Variants in ADAMTS20 observed in about 807,000 individuals in gnomAD.
ADAMTS20 encodes the protein A disintegrin and metalloproteinase with thrombospondin motifs 20.
In ADAMTS20, 225 loss-of-function variants were observed where a neutral mutation model predicts 260.1. The ratio of observed to expected loss-of-function variants is 0.87; its 90% confidence interval spans 0.78 to 0.97. ADAMTS20 has a LOEUF of 0.97. Ranked by LOEUF, ADAMTS20 falls within the 50% of genes least tolerant of loss-of-function variation. ADAMTS20 has a pLI of 0.00. For missense variants in ADAMTS20, 2,400 were observed against 2,337.7 expected (o/e 1.03, Z -0.55); for synonymous variants, 802 against 769.5 (o/e 1.04, Z -0.70).
intron 31 of ADAMTS20, among the ~76,000 whole-genome samples, chr12:43,380,026 G>C (rs893824009): frequency 6.7e-6 from 1 of 150,140 alleles, no homozygotes; most frequent in East Asian, 1.9e-4. Flanking sequence ...TAAGAATATA[G>C]ATGTAAAGTT....
intron 28 of ADAMTS20, among the ~76,000 whole-genome samples, chr12:43,399,768 T>C (rs985716486): frequency 3.3e-5 from 5 of 152,150 alleles, no homozygotes; most frequent in African/African-American, 1.2e-4. Context: ...GTCTGGAAGA[T>C]GTCTTTCTCT....
intron 3 of ADAMTS20, 69 bp from the exon 4 acceptor site, chr12:43,502,474 A>G (rs1942783249): frequency 4.2e-6 from 6 of 1,428,838 alleles, no homozygotes; most frequent in African/African-American, 1.4e-5. Context: ...CGCAAAAAAT[A>G]GAACAGCCAA....
At position 43,551,108 on chromosome 12, in the gene ADAMTS20, T is replaced by A. The variant is rs1943508290; in HGVS notation, c.254A>T (p.Tyr85Phe). The A allele has an allele frequency of 6.2e-7, 1 of 1,613,862 alleles. No homozygotes were observed. Among genetic ancestry groups the A allele is most frequent in the South Asian group, 1.1e-5 (1 of 91,074 alleles). The change falls in exon 2 of 39, where the codon TAC (tyrosine) becomes TTC (phenylalanine). Residue 85 changes from tyrosine to phenylalanine, a missense_variant. Coordinates refer to ENST00000389420, the MANE Select transcript of ADAMTS20 (RefSeq NM_025003.5). The surrounding 1 kb of genome is among the most constrained non-coding windows in gnomAD (Gnocchi z 4.6). ...CAGGTTCAGCTGGAAGAGCTGCCCG[T>A]AGGCAGTGAAGCGATAGTGGGTTCG... ...PFRTHYRFTAYGQLFQLNLTA... is the reference protein window; with the variant it reads ...PFRTHYRFTAFGQLFQLNLTA...
rs146150675 is a variant in ADAMTS20, at chr12:43,512,096, G to A, written c.614-9691C>T. The stretch of plus-strand genomic sequence containing the variant: ...AGTGCTTATTACATATCAGGTACTC[G>A]TACACTTCACATATGTTATCTCATT... On this transcript the variant is annotated intron_variant, in intron 3 of 38. Transcript: ENST00000389420. 5.5e-3 allele frequency among the ~76,000 whole-genome samples: 830 copies of A among 151,522 alleles called. 7 individuals carry two copies. The highest frequency in any genetic ancestry group is 0.018 in the African/African-American group (751 of 41,370).
chr12:43,449,114 C>T (rs975874810), intron 14 of ADAMTS20, among the ~76,000 whole-genome samples: 5 of 152,116 alleles, frequency 3.3e-5, no homozygotes, highest in African/African-American at 1.2e-4. Context: ...TACCATTCAA[C>T]TCAGCAATCC....
chr12:43,469,951 C>A (rs1363711775), intron 7 of ADAMTS20, among the ~76,000 whole-genome samples: 1 of 152,188 alleles, frequency 6.6e-6, no homozygotes, highest in African/African-American at 2.4e-5. Context: ...TCTGACCACA[C>A]CATCAAAAGG....
chr12:43,380,575 A>G (rs1308682643), intron 31 of ADAMTS20, among the ~76,000 whole-genome samples: 1 of 152,124 alleles, frequency 6.6e-6, no homozygotes, highest in Non-Finnish European at 1.5e-5. Flanking sequence ...CCCCCAAAAA[A>G]TTTTCAATAC....
At position 43,551,597 on chromosome 12, in the gene ADAMTS20, G is replaced by A. The variant is rs1160197182; in HGVS notation, c.91+234C>T. The stretch of plus-strand genomic sequence containing the variant: ...TCCCTCCGGGTGCAAGCGACCCCCT[G>A]CCCCTTGCGCCCCCGCCGTGTGGTC... On this transcript the variant is annotated intron_variant, in intron 1 of 38. Coordinates refer to ENST00000389420, the MANE Select transcript of ADAMTS20 (RefSeq NM_025003.5). This position sits in a 1 kb window ranked among gnomAD's most constrained non-coding sequence, Gnocchi z 4.6. 2.0e-5 allele frequency among the ~76,000 whole-genome samples: 3 copies of A among 152,138 alleles called. No individual in the cohort carries two copies. The highest frequency in any genetic ancestry group is 4.4e-5 in the Non-Finnish European group (3 of 68,026).
intron 7 of ADAMTS20, among the ~76,000 whole-genome samples, chr12:43,479,166 A>C (rs1942404012): frequency 6.6e-6 from 1 of 152,242 alleles, no homozygotes; most frequent in African/African-American, 2.4e-5. Context: ...AGATAAAGAG[A>C]GTCACTACAC....
intron 11 of ADAMTS20, among the ~76,000 whole-genome samples, chr12:43,455,991 A>G (rs1004505581): frequency 1.3e-4 from 20 of 152,208 alleles, no homozygotes; most frequent in African/African-American, 4.3e-4. Flanking sequence ...GTGTACAAAT[A>G]TATCTTTGAA....
chr12:43,478,911 G>C (rs1942399857), intron 7 of ADAMTS20, among the ~76,000 whole-genome samples: 1 of 152,134 alleles, frequency 6.6e-6, no homozygotes, highest in Non-Finnish European at 1.5e-5. Context: ...TAGGTACCCT[G>C]GGCACCTCAT....
intron 4 of ADAMTS20, 83 bp from the exon 5 acceptor site, chr12:43,493,336 A>C (rs1339951031): frequency 1.1e-6 from 1 of 949,920 alleles, no homozygotes; most frequent in Non-Finnish European, 1.6e-6. Context: ...ACAGAGTATC[A>C]ATTCTCTAAT....
chr12:43,405,643 T>C (rs1940905443), intron 28 of ADAMTS20, among the ~76,000 whole-genome samples: 4 of 152,024 alleles, frequency 2.6e-5, no homozygotes, highest in Non-Finnish European at 5.9e-5. Context: ...TAGTCCTCTA[T>C]TGTTGTTATT....
intron 18 of ADAMTS20, among the ~76,000 whole-genome samples, chr12:43,438,131 C>T (rs1262081080): frequency 6.6e-6 from 1 of 152,100 alleles, no homozygotes; most frequent in Non-Finnish European, 1.5e-5. Flanking sequence ...TTGCTTTTCC[C>T]CTGCACGCGA....
chr12:43,515,366 T>C (rs1480797856), intron 3 of ADAMTS20, among the ~76,000 whole-genome samples: 3 of 152,334 alleles, frequency 2.0e-5, no homozygotes, highest in East Asian at 3.9e-4. Context: ...TTATTAACTC[T>C]GTAATTTATG....
chr12:43,432,854 A>G (rs1565695928), intron 19 of ADAMTS20, 43 bp from the exon 20 acceptor site: 6 of 1,481,412 alleles, frequency 4.1e-6, no homozygotes, highest in Non-Finnish European at 5.6e-6. Flanking sequence ...ATATTACATA[A>G]TTTAAAAACA....
intron 29 of ADAMTS20, among the ~76,000 whole-genome samples, chr12:43,386,194 A>C (rs1052508386): frequency 6.6e-6 from 1 of 152,056 alleles, no homozygotes; most frequent in Admixed American, 6.6e-5. Flanking sequence ...GTCTTCTGCT[A>C]GCTTTTGTAT....
chr12:43,395,833 T>C (rs2137246705), intron 29 of ADAMTS20, among the ~76,000 whole-genome samples: 1 of 152,098 alleles, frequency 6.6e-6, no homozygotes, highest in East Asian at 1.9e-4. Context: ...ACACAGGCTG[T>C]CCAGCAGGTT....
At chr12:43,506,076 A>G (rs1391122547) in intron 3 of ADAMTS20, among the ~76,000 whole-genome samples, 2 of 152,128 alleles carry the variant, frequency 1.3e-5, no homozygotes, top group African/African-American at 4.8e-5. Context: ...GTGAGCTATG[A>G]TATACCACTG....
Sources: allele counts gnomAD v4.1 joint callset (sites outside exome capture counted in the v4.1 genomes callset), GRCh38; gene constraint gnomAD v4.1.1; non-coding constraint Gnocchi (gnomAD v3.1); transcripts MANE v1.5; gene names NCBI Gene and HGNC (gene_info 2026-07-23, HGNC 2026-07-21).